The following DPP10 variants were observed in gnomAD, a reference collection of about 807,000 sequenced individuals.
DPP10 encodes dipeptidyl peptidase like 10, also known as inactive dipeptidyl peptidase 10.
In DPP10, 33 loss-of-function variants were observed where a neutral mutation model predicts 120.9. The ratio of observed to expected loss-of-function variants is 0.27; its 90% CI spans 0.21 to 0.37. The LOEUF (loss-of-function observed/expected upper bound fraction) is 0.37, where lower values mean the gene tolerates loss of function less well. Among genes scored for constraint, DPP10 ranks in the 10% least tolerant of loss-of-function variants. The pLI is 1.00. For synonymous variants in DPP10, 337 were observed against 326.1 expected, an observed-to-expected ratio of 1.03 and a Z score of -0.36; for missense variants, 816 against 942.8, an observed-to-expected ratio of 0.87 and a Z score of 1.76.
chr2:114,857,059 A>T (rs1392257705), intron 1 of DPP10, among the ~76,000 whole-genome samples: 1 of 152,232 alleles, frequency 6.6e-6, no homozygotes, highest in African/African-American at 2.4e-5. Flanking sequence ...CAGAGGTAAC[A>T]GTTCAGATCT....
At chr2:115,286,542 A>ATATATATATATATATATATATATATATAT in intron 1 of DPP10, among the ~76,000 whole-genome samples, 1 of 66,266 alleles carries the variant, frequency 1.5e-5, no homozygotes, top group South Asian at 4.4e-4. Context: ...TATATATATA[A>ATATATATATATATATATATATATATATAT]AATATATACA....
intron 1 of DPP10, among the ~76,000 whole-genome samples, chr2:114,571,919 A>C (rs911941819): frequency 2.0e-5 from 3 of 148,490 alleles, no homozygotes; most frequent in African/African-American, 7.3e-5. Context: ...TATTGTGTAC[A>C]TATTGTGTAC....
chr2:114,509,875 CT>C, intron 1 of DPP10, among the ~76,000 whole-genome samples: 1 of 152,288 alleles, frequency 6.6e-6, no homozygotes, highest in South Asian at 2.1e-4. Flanking sequence ...AGACATTTCC[CT>C]CTTAAATGTT....
At chr2:115,591,012 G>C (rs1431874412) in intron 5 of DPP10, among the ~76,000 whole-genome samples, 3 of 151,892 alleles carry the variant, frequency 2.0e-5, no homozygotes, top group African/African-American at 4.8e-5. Context: ...TCTTGATGGG[G>C]TTGATTTTTT....
intron 21 of DPP10, among the ~76,000 whole-genome samples, chr2:115,817,502 A>G (rs1162251566): frequency 6.6e-6 from 1 of 152,174 alleles, no homozygotes; most frequent in Non-Finnish European, 1.5e-5. Context: ...GCAAATCACG[A>G]CCATCCTCTC....
chr2:114,552,512 C>T (rs1387895144), intron 1 of DPP10, among the ~76,000 whole-genome samples: 2 of 152,072 alleles, frequency 1.3e-5, no homozygotes, highest in Non-Finnish European at 2.9e-5. Flanking sequence ...TGCTGAAACT[C>T]TGTGACTTTC....
chr2:114,452,878 T>C (rs1368673553), intron 1 of DPP10, among the ~76,000 whole-genome samples: 1 of 152,150 alleles, frequency 6.6e-6, no homozygotes, highest in Non-Finnish European at 1.5e-5. Context: ...TTCAGTTCCA[T>C]AATTGGCCTG....
intron 5 of DPP10, among the ~76,000 whole-genome samples, chr2:115,541,875 G>A (rs2079190751): frequency 6.6e-6 from 1 of 151,790 alleles, no homozygotes; most frequent in South Asian, 2.1e-4. Flanking sequence ...GGTGGTAAGT[G>A]CTAGGGAGAC....
At chr2:114,501,189 C>G (rs1683140731) in intron 1 of DPP10, among the ~76,000 whole-genome samples, 1 of 152,142 alleles carries the variant, frequency 6.6e-6, no homozygotes, top group Non-Finnish European at 1.5e-5. Context: ...GTGAACATCT[C>G]AGGCTACTAT....
At chr2:114,512,545 T>A (rs146167672) in intron 1 of DPP10, among the ~76,000 whole-genome samples, 96 of 152,330 alleles carry the variant, frequency 6.3e-4, no homozygotes, top group African/African-American at 2.2e-3. Context: ...CAAGTTGTTA[T>A]AAGGATTGTG....
intron 1 of DPP10, among the ~76,000 whole-genome samples, chr2:115,227,335 A>G (rs1484458682): frequency 6.6e-6 from 1 of 152,154 alleles, no homozygotes; most frequent in Non-Finnish European, 1.5e-5. Context: ...ACATTAAATC[A>G]TGTATGAATA....
chr2:114,940,473 A>G (rs1346957197), intron 1 of DPP10, among the ~76,000 whole-genome samples: 2 of 152,028 alleles, frequency 1.3e-5, no homozygotes, highest in Non-Finnish European at 2.9e-5. Flanking sequence ...GACCTGAAAT[A>G]TAAATTTCTG....
intron 1 of DPP10, among the ~76,000 whole-genome samples, chr2:115,239,974 T>A (rs2058194876): frequency 6.6e-6 from 1 of 152,244 alleles, no homozygotes; most frequent in Non-Finnish European, 1.5e-5. Context: ...GGTGAATATG[T>A]GCCACAGTTT....
intron 1 of DPP10, among the ~76,000 whole-genome samples, chr2:114,940,710 G>C (rs974733436): frequency 6.6e-6 from 1 of 152,046 alleles, no homozygotes; most frequent in Non-Finnish European, 1.5e-5. Flanking sequence ...AAATGAAAAC[G>C]TCAGGCTTTG....
intron 3 of DPP10, among the ~76,000 whole-genome samples, chr2:115,374,507 C>A (rs1420409587): frequency 6.6e-6 from 1 of 152,142 alleles, no homozygotes; most frequent in Non-Finnish European, 1.5e-5. Context: ...GTCTGGAGGA[C>A]AGTGGTCTTT....
At chr2:114,780,309 A>G (rs1682201103) in intron 1 of DPP10, among the ~76,000 whole-genome samples, 2 of 152,126 alleles carry the variant, frequency 1.3e-5, no homozygotes, top group African/African-American at 4.8e-5. Flanking sequence ...TTTTGAGAAA[A>G]CAAGTGACAA....
intron 5 of DPP10, among the ~76,000 whole-genome samples, chr2:115,589,629 G>C (rs2082504372): frequency 6.6e-6 from 1 of 152,136 alleles, no homozygotes; most frequent in African/African-American, 2.4e-5. Flanking sequence ...ACACATCAAA[G>C]CTAGCAAAAT....
intron 1 of DPP10, among the ~76,000 whole-genome samples, chr2:115,151,684 G>A (rs995472948): frequency 6.6e-6 from 1 of 151,050 alleles, no homozygotes; most frequent in Non-Finnish European, 1.5e-5. Flanking sequence ...TGGGATTACA[G>A]GCGTGAGCCA....
chr2:115,201,113 G>C (rs1489256524), intron 1 of DPP10, among the ~76,000 whole-genome samples: 1 of 152,136 alleles, frequency 6.6e-6, no homozygotes, highest in African/African-American at 2.4e-5. Context: ...AGAAAAACAA[G>C]CTACTCTGAA....
Sources: gnomAD v4.1 joint callset for allele counts (sites outside exome capture counted in the v4.1 genomes callset) on GRCh38, gnomAD v4.1.1 for gene constraint, MANE v1.5 for transcripts, NCBI Gene and HGNC (gene_info 2026-07-23, HGNC 2026-07-21) for gene names.